The following ADGRB2 variants were observed in gnomAD, a reference collection of about 807,000 sequenced individuals.
ADGRB2 encodes the protein adhesion G protein-coupled receptor B2.
In ADGRB2, 47 loss-of-function variants were observed where a neutral mutation model predicts 178.7. The ratio of observed to expected loss-of-function variants is 0.26; its 90% CI spans 0.21 to 0.34. ADGRB2 has a LOEUF of 0.34. Among genes scored for constraint, ADGRB2 ranks in the 10% least tolerant of loss-of-function variants. The pLI, the probability that ADGRB2 is intolerant of heterozygous loss-of-function variation, is 1.00. For synonymous variants in ADGRB2, 870 were observed against 912.4 expected (o/e 0.95, Z 0.84); for missense variants, 1,584 against 2,180.8 (o/e 0.73, Z 5.45).
chr1:31,736,335 G>A lies in ADGRB2; in HGVS notation c.3186C>T (p.Tyr1062=), dbSNP rs766161972. Residue 1062 remains tyrosine, a synonymous_variant, in exon 22 of 33, where the codon TAC becomes TAT. Transcript: ENST00000373658. ...VSVGFTRTKG[Y]GTSSYCWLSL... ...GGCCCACGTACTAGCTGGATGTACC[G>A]TATCCTTTCGTTCGGGTAAAGCCAA... The A allele has an allele frequency of 1.2e-5, 20 of 1,613,894 alleles. No individual in the cohort carries two copies. The highest frequency in any genetic ancestry group is 2.2e-5 in the East Asian group (1 of 44,890).
Position 31,741,355 on chromosome 1 carries a change from C to T in ADGRB2, c.1794+18G>A. On this transcript the variant is annotated intron_variant, in intron 11 of 32. Coordinates refer to ENST00000373658, the MANE Select transcript of ADGRB2 (RefSeq NM_001364857.2). The surrounding 1 kb of genome is among the most constrained non-coding windows in gnomAD (Gnocchi z 6.5). ...GAGACAGATTCTGCTGTGCCCCAGCCCAGCAGGGTGCACTCACTGACAGAT... is the reference window on the plus strand; with the variant it reads ...GAGACAGATTCTGCTGTGCCCCAGCTCAGCAGGGTGCACTCACTGACAGAT... 1.9e-6 allele frequency: 3 copies of T among 1,581,966 alleles called. No homozygotes were observed. Among genetic ancestry groups the T allele is most frequent in the Non-Finnish European group, 2.6e-6 (3 of 1,162,396 alleles).
At chr1:31,738,111 CCCAGGCGCCTGCCAACA>C (rs1645727290) in intron 18 of ADGRB2, 72 bp downstream of exon 18, 1 of 1,552,788 alleles carries the variant, frequency 6.4e-7, no homozygotes, top group Non-Finnish European at 8.7e-7. Flanking sequence ...TTCAGGATCA[CCCAGGCGCCTGCCAACA>C]CCATCACTGA....
chr1:31,763,744 C>A (rs993300377), intron 1 of ADGRB2, 140 bp downstream of exon 1: 22 of 970,904 alleles, frequency 2.3e-5, no homozygotes, highest in Non-Finnish European at 2.4e-5. Context: ...GAACGCTGAA[C>A]GAACTCAGTT....
At chr1:31,734,661 G>A (rs538192322) in intron 25 of ADGRB2, among the ~76,000 whole-genome samples, 1 of 152,200 alleles carries the variant, frequency 6.6e-6, no homozygotes, top group African/African-American at 2.4e-5. Flanking sequence ...TAGGGCGGGG[G>A]TCTCAGTGAA....
At position 31,740,895 on chromosome 1, in the gene ADGRB2, G is replaced by GTGCACA. The variant is rs1553185115; in HGVS notation, c.1795-355_1795-354insTGTGCA. Among the ~76,000 whole-genome samples the GTGCACA allele has an allele frequency of 7.1e-6, 1 of 140,390 alleles. No homozygotes were observed. The highest frequency in any genetic ancestry group is 1.5e-5 in the Non-Finnish European group (1 of 64,880). 92.1% of individuals were successfully genotyped at this position (140,390 alleles called of 152,430 possible). A position where few individuals can be genotyped will look rare whatever the true frequency, so the allele number is the denominator to read the frequency against. The stretch of plus-strand genomic sequence containing the variant: ...AATGAGCATGTGTGTGGGCGCGCGC[G>GTGCACA]CACACACACACACACACACACACAC... On this transcript the variant is annotated intron_variant, in intron 11 of 32. Transcript: ENST00000373658. This position sits in a 1 kb window ranked among gnomAD's most constrained non-coding sequence, Gnocchi z 5.9.
intron 26 of ADGRB2, 133 bp from the exon 27 acceptor site, chr1:31,732,745 G>T: frequency 8.5e-7 from 1 of 1,181,936 alleles, no homozygotes; most frequent in Non-Finnish European, 1.2e-6. Flanking sequence ...GGAAGGTGAT[G>T]ACACCTGGGC....
At chr1:31,731,454 TGAG>T (rs769836951) in intron 28 of ADGRB2, 35 bp from the exon 29 acceptor site, 23 of 1,538,242 alleles carry the variant, frequency 1.5e-5, no homozygotes, top group South Asian at 7.6e-5. Context: ...GGGTGAGTCC[TGAG>T]GAGAAGGAAC....
intron 4 of ADGRB2, among the ~76,000 whole-genome samples, chr1:31,746,238 A>C (rs1042242634): frequency 5.3e-5 from 8 of 152,154 alleles, no homozygotes; most frequent in African/African-American, 1.9e-4. Context: ...GCACACGGCA[A>C]GTGCTCAGAA....
rs1208821508 is a variant in ADGRB2, at chr1:31,730,686, T to A, written c.4380+114A>T. On this transcript the variant is annotated intron_variant, in intron 29 of 32. Transcript: ENST00000373658. ...ACAGAGAAATGCTCAGTGTATCCACTCCCAGTGACTTTTACGAGAGGCCGC... is the reference window on the plus strand; with the variant it reads ...ACAGAGAAATGCTCAGTGTATCCACACCCAGTGACTTTTACGAGAGGCCGC... The A allele has an allele frequency of 5.3e-6, 7 of 1,331,324 alleles. No individual in the cohort carries two copies. The South Asian group carries it at 1.5e-4, about 28-fold the overall frequency. 82.5% of individuals were successfully genotyped at this position (1,331,324 alleles called of 1,614,324 possible).
rs182978494 is a variant in ADGRB2, at chr1:31,727,858, C to A, written c.4572+167G>T. ...ATCCTGGAGGACCTCCACCCCTGTT[C>A]GCCATCTGCAGCACCTTCCCCACCC... On this transcript the variant is annotated intron_variant, in intron 32 of 32. Coordinates refer to ENST00000373658, the MANE Select transcript of ADGRB2 (RefSeq NM_001364857.2). The surrounding 1 kb of genome is among the most constrained non-coding windows in gnomAD (Gnocchi z 4.4). 6.0e-6 allele frequency: 6 copies of A among 1,002,828 alleles called. No homozygotes were observed. In the Admixed American group the frequency reaches 1.4e-4, roughly 24 times the overall value. The allele number at this position is 1,002,828 out of a possible 1,614,324, so 62.1% of individuals were successfully genotyped here.
chr1:31,763,648 G>C (rs1438237078), intron 1 of ADGRB2, among the ~76,000 whole-genome samples: 1 of 145,778 alleles, frequency 6.9e-6, no homozygotes, highest in Non-Finnish European at 1.5e-5. Flanking sequence ...GGCTGGGGGA[G>C]GGGGGGGGCC....
intron 14 of ADGRB2, 139 bp from the exon 15 acceptor site, chr1:31,739,774 A>T: frequency 1.4e-5 from 17 of 1,172,724 alleles, no homozygotes; most frequent in Non-Finnish European, 2.0e-5. Context: ...AAACACAGAG[A>T]CAGACATACA....
At position 31,740,441 on chromosome 1, in the gene ADGRB2, T is replaced by C; in HGVS notation, c.1895A>G (p.Tyr632Cys). Residue 632 changes from tyrosine (Y) to cysteine (C), a missense_variant, in exon 12 of 33, where the codon TAT becomes TGT. Around this residue, in one of 3 missense-constraint regions of ADGRB2, gnomAD observed 62 missense variants for 140.3 expected, o/e 0.44. Transcript: ENST00000373658. This position sits in a 1 kb window ranked among gnomAD's most constrained non-coding sequence, Gnocchi z 5.9. Reference protein sequence around the residue: ...LQELLARRTYYSGDLLFSVDI... With the variant: ...LQELLARRTYCSGDLLFSVDI... ...CACAGAGAAGAGCAGGTCCCCACTATAGTAGGTGCGCCGGGCCAGTAGCTC... is the reference window on the plus strand; with the variant it reads ...CACAGAGAAGAGCAGGTCCCCACTACAGTAGGTGCGCCGGGCCAGTAGCTC... The C allele has an allele frequency of 6.2e-7, 1 of 1,613,934 alleles. No individual in the cohort carries two copies. Among genetic ancestry groups the C allele is most frequent in the Non-Finnish European group, 8.5e-7 (1 of 1,179,988 alleles).
chr1:31,755,362 G>A lies in ADGRB2; in HGVS notation c.838+637C>T, dbSNP rs1414111025. Among the ~76,000 whole-genome samples, 1 of 152,128 alleles carries A rather than the reference G, an allele frequency of 6.6e-6. No individual in the cohort carries two copies. The highest frequency in any genetic ancestry group is 1.9e-4 in the East Asian group (1 of 5,184). On this transcript the variant is annotated intron_variant, in intron 4 of 32. Coordinates refer to ENST00000373658, the MANE Select transcript of ADGRB2 (RefSeq NM_001364857.2). The surrounding 1 kb of genome is among the most constrained non-coding windows in gnomAD (Gnocchi z 5.1). ...GGAAGCTCTAGCAGCTGGCGGCCTC[G>A]GTCCCAGAAGACATGGGTCCTGAGG...
intron 4 of ADGRB2, among the ~76,000 whole-genome samples, chr1:31,751,224 G>A (rs1384427021): frequency 6.6e-6 from 1 of 152,208 alleles, no homozygotes; most frequent in Non-Finnish European, 1.5e-5. Flanking sequence ...TACCTCGAAA[G>A]CCCTTCCTCC....
Position 31,758,129 on chromosome 1 carries a change from C to CA in ADGRB2, c.-190-619dup, listed in dbSNP as rs1336477726. ...CAGCCCCACTTCCAATCCTACCCCCCAAGTAATCCAAGCGGCCTCCCTCCT... is the reference window on the plus strand; with the variant it reads ...CAGCCCCACTTCCAATCCTACCCCCCAAAGTAATCCAAGCGGCCTCCCTCCT... On this transcript the variant is annotated intron_variant, in intron 1 of 32. Transcript: ENST00000373658. This position sits in a 1 kb window ranked among gnomAD's most constrained non-coding sequence, Gnocchi z 4.2. 6.6e-6 allele frequency among the ~76,000 whole-genome samples: 1 copy of CA among 152,208 alleles called. No homozygotes were observed. Among genetic ancestry groups the CA allele is most frequent in the Non-Finnish European group, 1.5e-5 (1 of 68,024 alleles).
rs1184963749 is a variant in ADGRB2, at chr1:31,758,123, AC to A, written c.-190-613del. Reference sequence around the variant, plus strand: ...CTGAATCAGCCCCACTTCCAATCCTACCCCCCAAGTAATCCAAGCGGCCTCC... The same window carrying A: ...CTGAATCAGCCCCACTTCCAATCCTACCCCCAAGTAATCCAAGCGGCCTCC... On this transcript the variant is annotated intron_variant, in intron 1 of 32. Transcript: ENST00000373658. This position sits in a 1 kb window ranked among gnomAD's most constrained non-coding sequence, Gnocchi z 4.2. Among the ~76,000 whole-genome samples, 1 of 151,550 alleles carries A rather than the reference AC, an allele frequency of 6.6e-6. No homozygotes were observed. Among genetic ancestry groups the A allele is most frequent in the Non-Finnish European group, 1.5e-5 (1 of 67,892 alleles).
rs72887382 is a variant in ADGRB2 at position 31,749,903 on chromosome 1, G to A, written c.839-5172C>T. Reference sequence around the variant, plus strand: ...CTGCACTCCAGTCTGGAAGACAGAGGAGTCCCTGTTTCAGAAAAAGAGAGA... The same window carrying A: ...CTGCACTCCAGTCTGGAAGACAGAGAAGTCCCTGTTTCAGAAAAAGAGAGA... On this transcript the variant is annotated intron_variant, in intron 4 of 32. Transcript: ENST00000373658. 4.5e-3 allele frequency among the ~76,000 whole-genome samples: 678 copies of A among 151,892 alleles called. 1 individual carries two copies. Among genetic ancestry groups the A allele is most frequent in the African/African-American group, 0.015 (611 of 41,354 alleles).
chr1:31,742,248 G>C (rs764798138), intron 7 of ADGRB2, 31 bp from the exon 8 acceptor site: 6 of 1,568,780 alleles, frequency 3.8e-6, no homozygotes, highest in East Asian at 4.5e-5. Context: ...AGGGGTGGCT[G>C]TTGAGCAGGA....
Sources: allele counts gnomAD v4.1 joint callset (sites outside exome capture counted in the v4.1 genomes callset), GRCh38; gene constraint gnomAD v4.1.1; regional missense constraint gnomAD v4.1.1; non-coding constraint Gnocchi (gnomAD v3.1); transcripts MANE v1.5; gene names NCBI Gene and HGNC (gene_info 2026-07-23, HGNC 2026-07-21).